NRG2: variants seen among roughly 807,000 people sequenced by gnomAD.
NRG2 encodes the protein pro-neuregulin-2, membrane-bound isoform.
Under a neutral mutation model 73.9 loss-of-function variants are expected in NRG2, and 27 were observed. The ratio of observed to expected loss-of-function variants is 0.37; its 90% CI spans 0.27 to 0.50. The LOEUF is 0.50. Among genes scored for constraint, NRG2 ranks in the 20% least tolerant of loss-of-function variants. NRG2 has a pLI of 0.96. For missense variants in NRG2, 1,126 were observed against 1,210.1 expected (o/e 0.93, Z 1.03); for synonymous variants, 532 against 541.0 (o/e 0.98, Z 0.23).
intron 1 of NRG2, among the ~76,000 whole-genome samples, chr5:139,898,799 G>A (rs918351071): frequency 1.3e-5 from 2 of 152,172 alleles, no homozygotes; most frequent in Admixed American, 1.3e-4. Flanking sequence ...CAGTAGCCTG[G>A]CACTCAGAAA....
chr5:139,928,487 T>C (rs997580925), intron 1 of NRG2, among the ~76,000 whole-genome samples: 1 of 152,168 alleles, frequency 6.6e-6, no homozygotes, highest in Non-Finnish European at 1.5e-5. Context: ...CTTCCACTAA[T>C]TTATTCCTCT....
chr5:139,867,762 C>CTCTGTG (rs1554101254), intron 4 of NRG2, among the ~76,000 whole-genome samples: 6 of 128,774 alleles, frequency 4.7e-5, no homozygotes, highest in Admixed American at 1.6e-4. Context: ...GAAGGGAAAC[C>CTCTGTG]TGTGTGTGTG....
chr5:139,860,853 C>A (rs1405050359), intron 5 of NRG2, among the ~76,000 whole-genome samples: 1 of 152,100 alleles, frequency 6.6e-6, no homozygotes, highest in Non-Finnish European at 1.5e-5. Context: ...TGAGTGATTC[C>A]AATCTAGTTA....
chr5:139,875,667 C>T (rs776648433), intron 3 of NRG2, among the ~76,000 whole-genome samples: 7 of 152,114 alleles, frequency 4.6e-5, no homozygotes, highest in Non-Finnish European at 1.0e-4. Flanking sequence ...GGCTCACCCC[C>T]GTAATCCTAG....
chr5:140,011,004 C>T (rs1050147644), intron 1 of NRG2, among the ~76,000 whole-genome samples: 1 of 152,228 alleles, frequency 6.6e-6, no homozygotes, highest in African/African-American at 2.4e-5. Context: ...GTTCTCCTGG[C>T]TCCCTCCCAC....
chr5:140,017,472 T>C (rs1429360011), intron 1 of NRG2, among the ~76,000 whole-genome samples: 3 of 151,852 alleles, frequency 2.0e-5, no homozygotes, highest in African/African-American at 4.8e-5. Context: ...AAACAGAGAA[T>C]GGAAGAAAAC....
chr5:140,039,326 C>T (rs1303313010), intron 1 of NRG2, among the ~76,000 whole-genome samples: 2 of 152,148 alleles, frequency 1.3e-5, no homozygotes, highest in Non-Finnish European at 2.9e-5. Flanking sequence ...AATTGCTAAT[C>T]CCTGCAAGGC....
chr5:139,965,643 A>C (rs1388112457), intron 1 of NRG2, among the ~76,000 whole-genome samples: 1 of 152,206 alleles, frequency 6.6e-6, no homozygotes, highest in Non-Finnish European at 1.5e-5. Context: ...GGCCCTCCTG[A>C]AGGCCTTCCT....
intron 1 of NRG2, among the ~76,000 whole-genome samples, chr5:139,972,561 C>T (rs773435456): frequency 1.2e-4 from 18 of 152,100 alleles, no homozygotes; most frequent in Admixed American, 2.6e-4. Context: ...CCCGTTTCTA[C>T]TAAAAATACA....
At chr5:139,903,400 T>A (rs78714444) in intron 1 of NRG2, among the ~76,000 whole-genome samples, 114 of 152,374 alleles carry the variant, frequency 7.5e-4, no homozygotes, top group African/African-American at 2.7e-3. Flanking sequence ...ATGGCTTGCC[T>A]GTGACTCGTA....
intron 1 of NRG2, among the ~76,000 whole-genome samples, chr5:140,017,375 G>A (rs1181813543): frequency 1.3e-5 from 2 of 152,084 alleles, no homozygotes. Context: ...TGAATCTGAA[G>A]TGAAAAGGTC....
chr5:139,887,535 T>A lies in NRG2; in HGVS notation c.701-24A>T. The A allele has an allele frequency of 6.2e-7, 1 of 1,611,460 alleles. No individual in the cohort carries two copies. Among genetic ancestry groups the A allele is most frequent in the African/African-American group, 1.3e-5 (1 of 74,884 alleles). ...GGCTGTGGGTTACAAGGCAGGTAGG[T>A]GAGCACGGTGGTGGTAGGGGCAGTG... On this transcript the variant is annotated intron_variant, in intron 1 of 9. Coordinates refer to ENST00000361474, the MANE Select transcript of NRG2 (RefSeq NM_004883.3). This position sits in a 1 kb window ranked among gnomAD's most constrained non-coding sequence, Gnocchi z 4.5.
chr5:139,997,329 A>C (rs1285869761), intron 1 of NRG2, among the ~76,000 whole-genome samples: 1 of 152,120 alleles, frequency 6.6e-6, no homozygotes, highest in Non-Finnish European at 1.5e-5. Flanking sequence ...TCTGCCTTTG[A>C]CCCAGACTCA....
At chr5:139,855,871 C>T (rs1413404158) in intron 5 of NRG2, 93 bp from the exon 6 acceptor site, 1 of 911,528 alleles carries the variant, frequency 1.1e-6, no homozygotes, top group African/African-American at 1.6e-5. Flanking sequence ...AAGCCATAGG[C>T]TCTCCCCAGC....
intron 1 of NRG2, among the ~76,000 whole-genome samples, chr5:140,018,608 G>T (rs528358170): frequency 6.6e-6 from 1 of 152,178 alleles, no homozygotes; most frequent in Non-Finnish European, 1.5e-5. Context: ...TCTAGGATGA[G>T]AATTCATCAG....
At chr5:140,039,353 C>T (rs1761741212) in intron 1 of NRG2, among the ~76,000 whole-genome samples, 1 of 152,152 alleles carries the variant, frequency 6.6e-6, no homozygotes, top group Non-Finnish European at 1.5e-5. Flanking sequence ...AACTCTTTTT[C>T]CTCGCCTTTC....
rs148513640 is a variant in NRG2 at position 139,937,024 on chromosome 5, A to T, written c.701-49513T>A. Reference sequence around the variant, plus strand: ...GCCATGTTGGCCAGGCTGGTCTCGAACTCCTGACCTCAGGTGATCCGCCTG... The same window carrying T: ...GCCATGTTGGCCAGGCTGGTCTCGATCTCCTGACCTCAGGTGATCCGCCTG... On this transcript the variant is annotated intron_variant, in intron 1 of 9. Transcript: ENST00000361474. 3.5e-3 allele frequency among the ~76,000 whole-genome samples: 540 copies of T among 152,242 alleles called. 3 individuals carry two copies. The highest frequency in any genetic ancestry group is 0.012 in the African/African-American group (510 of 41,536).
intron 1 of NRG2, among the ~76,000 whole-genome samples, chr5:139,965,871 A>C (rs1755470863): frequency 6.6e-6 from 1 of 152,168 alleles, no homozygotes. Flanking sequence ...GAGGTGTGCT[A>C]GCCAGGGGGA....
At position 139,915,749 on chromosome 5, in the gene NRG2, G is replaced by A. The variant is rs1210136678; in HGVS notation, c.701-28238C>T. 1.3e-5 allele frequency among the ~76,000 whole-genome samples: 2 copies of A among 152,240 alleles called. No individual in the cohort carries two copies. Among genetic ancestry groups the A allele is most frequent in the Non-Finnish European group, 2.9e-5 (2 of 68,040 alleles). The stretch of plus-strand genomic sequence containing the variant: ...GTGGTAAATTCTAGACGATCAGCTA[G>A]TTAAAATGAAAGGAAGGATCATGGT... On this transcript the variant is annotated intron_variant, in intron 1 of 9. Transcript: ENST00000361474. This position sits in a 1 kb window ranked among gnomAD's most constrained non-coding sequence, Gnocchi z 4.0.
Sources: gnomAD v4.1 joint callset for allele counts (sites outside exome capture counted in the v4.1 genomes callset) on GRCh38, gnomAD v4.1.1 for gene constraint, Gnocchi (gnomAD v3.1) non-coding constraint, MANE v1.5 for transcripts, NCBI Gene and HGNC (gene_info 2026-07-23, HGNC 2026-07-21) for gene names.